The following PTPRT variants were observed in gnomAD, a reference collection of about 807,000 sequenced individuals.
The protein encoded by PTPRT is protein tyrosine phosphatase receptor type T, also known as receptor-type tyrosine-protein phosphatase T.
PTPRT carries 56 observed loss-of-function variants against 176.8 expected under a neutral mutation model. The ratio of observed to expected loss-of-function variants is 0.32; its 90% CI spans 0.26 to 0.40. The LOEUF (loss-of-function observed/expected upper bound fraction) is 0.40, where lower values mean the gene tolerates loss of function less well. Ranked by LOEUF, PTPRT falls within the 10% of genes least tolerant of loss-of-function variation. PTPRT has a pLI of 1.00. For missense variants in PTPRT, 1,540 were observed against 1,908.2 expected, an observed-to-expected ratio of 0.81 and a Z score of 3.60; for synonymous variants, 783 against 739.0, an observed-to-expected ratio of 1.06 and a Z score of -0.96.
chr20:42,088,900 G>A (rs767125182), intron 27 of PTPRT, among the ~76,000 whole-genome samples: 1 of 152,152 alleles, frequency 6.6e-6, no homozygotes, highest in Non-Finnish European at 1.5e-5. Flanking sequence ...AAATTCCAGT[G>A]ATTCATACCA....
chr20:42,338,699 G>C (rs1355096780), intron 11 of PTPRT, among the ~76,000 whole-genome samples: 2 of 151,960 alleles, frequency 1.3e-5, no homozygotes, highest in African/African-American at 2.4e-5. Flanking sequence ...TTCTAACTCT[G>C]TTTCTCTCTC....
intron 2 of PTPRT, among the ~76,000 whole-genome samples, chr20:42,855,157 A>G (rs1176014598): frequency 2.0e-5 from 3 of 152,216 alleles, no homozygotes; most frequent in Non-Finnish European, 4.4e-5. Context: ...ACCTTTTCCA[A>G]TAAGAGCATG....
chr20:42,181,372 T>C (rs915376355), intron 16 of PTPRT, among the ~76,000 whole-genome samples: 1 of 151,644 alleles, frequency 6.6e-6, no homozygotes, highest in African/African-American at 2.4e-5. Context: ...TGGTAGAGAG[T>C]CCAAGGAAGC....
intron 9 of PTPRT, among the ~76,000 whole-genome samples, chr20:42,437,908 G>T (rs1218526031): frequency 2.6e-5 from 4 of 152,198 alleles, no homozygotes; most frequent in Non-Finnish European, 5.9e-5. Flanking sequence ...AATTCATGCT[G>T]CATTGCCCAG....
At chr20:42,035,774 CTG>C in the PTPRT span, among the ~76,000 whole-genome samples, 1 of 152,132 alleles carries the variant, frequency 6.6e-6, no homozygotes. Context: ...CTCGGGTAGA[CTG>C]TGGTCATTTC....
chr20:42,953,831 G>A (rs1224119216), intron 1 of PTPRT, among the ~76,000 whole-genome samples: 3 of 152,130 alleles, frequency 2.0e-5, no homozygotes, highest in African/African-American at 7.2e-5. Context: ...CTGTTTAGGG[G>A]GCTGTCCAGT....
At chr20:43,102,732 C>T (rs544937847) in intron 1 of PTPRT, among the ~76,000 whole-genome samples, 1 of 152,298 alleles carries the variant, frequency 6.6e-6, no homozygotes, top group East Asian at 1.9e-4. Flanking sequence ...TCCAGCAGGA[C>T]TGCACGCTGG....
intron 7 of PTPRT, among the ~76,000 whole-genome samples, chr20:42,656,088 A>G (rs2075120815): frequency 6.6e-6 from 1 of 152,124 alleles, no homozygotes. Context: ...CTTTTATTTT[A>G]AAAATAAAGC....
At chr20:42,549,428 G>C (rs1031844728) in intron 7 of PTPRT, among the ~76,000 whole-genome samples, 3 of 152,094 alleles carry the variant, frequency 2.0e-5, no homozygotes, top group African/African-American at 7.2e-5. Context: ...GTATTAAGTG[G>C]GCAGTGGGGT....
chr20:42,412,760 C>T (rs1363545560), intron 9 of PTPRT, among the ~76,000 whole-genome samples: 1 of 152,094 alleles, frequency 6.6e-6, no homozygotes. Flanking sequence ...TAAACCTTGA[C>T]AGCAAGATGC....
At chr20:42,503,859 A>G (rs1209999391) in intron 7 of PTPRT, among the ~76,000 whole-genome samples, 1 of 152,108 alleles carries the variant, frequency 6.6e-6, no homozygotes, top group Non-Finnish European at 1.5e-5. Context: ...CAGAGCCAGT[A>G]AACTTACTGA....
At chr20:42,226,164 T>C (rs1430502979) in intron 15 of PTPRT, among the ~76,000 whole-genome samples, 1 of 152,234 alleles carries the variant, frequency 6.6e-6, no homozygotes, top group Non-Finnish European at 1.5e-5. Flanking sequence ...GCAAGCTCCT[T>C]GAGAGGGTAT....
chr20:42,104,817 G>T, intron 24 of PTPRT, 99 bp from the exon 25 acceptor site: 1 of 1,277,220 alleles, frequency 7.8e-7, no homozygotes, highest in Non-Finnish European at 1.1e-6. Context: ...GAATAGACAT[G>T]ATTTATCAAT....
chr20:42,355,758 C>T (rs755744363), intron 9 of PTPRT, among the ~76,000 whole-genome samples: 5 of 152,122 alleles, frequency 3.3e-5, no homozygotes, highest in Non-Finnish European at 7.3e-5. Context: ...ATTCTGTCCC[C>T]GTCCCCCTGC....
At chr20:42,253,651 A>G (rs2056586383) in intron 13 of PTPRT, among the ~76,000 whole-genome samples, 1 of 152,184 alleles carries the variant, frequency 6.6e-6, no homozygotes, top group Admixed American at 6.5e-5. Flanking sequence ...GCACCAGATG[A>G]TAAATTTCTC....
At chr20:42,597,042 C>T (rs941010147) in intron 7 of PTPRT, among the ~76,000 whole-genome samples, 9 of 152,134 alleles carry the variant, frequency 5.9e-5, no homozygotes, top group African/African-American at 1.4e-4. Context: ...CTGGGTTCTC[C>T]GCTCAAGGTC....
intron 7 of PTPRT, among the ~76,000 whole-genome samples, chr20:42,563,950 C>T (rs1160271260): frequency 1.3e-5 from 2 of 152,156 alleles, no homozygotes; most frequent in Non-Finnish European, 2.9e-5. Flanking sequence ...ATTGAAAAGC[C>T]CAGGCTCCTT....
intron 7 of PTPRT, among the ~76,000 whole-genome samples, chr20:42,663,478 G>C (rs1216633343): frequency 6.6e-6 from 1 of 152,168 alleles, no homozygotes; most frequent in Non-Finnish European, 1.5e-5. Flanking sequence ...AGGGTGGTGT[G>C]GAAGGGCCCA....
intron 7 of PTPRT, among the ~76,000 whole-genome samples, chr20:42,657,047 A>C (rs952159708): frequency 2.0e-5 from 3 of 151,984 alleles, no homozygotes; most frequent in Admixed American, 6.6e-5. Flanking sequence ...GAATCATGGG[A>C]GTGGTTGCCC....
Sources: gnomAD v4.1 joint callset for allele counts (sites outside exome capture counted in the v4.1 genomes callset) on GRCh38, gnomAD v4.1.1 for gene constraint, MANE v1.5 for transcripts, NCBI Gene and HGNC (gene_info 2026-07-23, HGNC 2026-07-21) for gene names.